The following KCNT2 variants were observed in gnomAD, a reference collection of about 807,000 sequenced individuals.
The protein encoded by KCNT2 is potassium sodium-activated channel subfamily T member 2.
KCNT2 carries 67 observed loss-of-function variants against 153.8 expected under a neutral mutation model. The observed-to-expected ratio is 0.44, with a 90% CI of 0.36 to 0.53. The LOEUF (loss-of-function observed/expected upper bound fraction) is 0.53. Ranked by LOEUF, KCNT2 falls within the 20% of genes least tolerant of loss-of-function variation. The pLI is 0.00. For missense variants in KCNT2, 975 were observed against 1,354.8 expected, an observed-to-expected ratio of 0.72 and a Z score of 4.40; for synonymous variants, 500 against 458.8, an observed-to-expected ratio of 1.09 and a Z score of -1.15.
chr1:196,416,490 C>T (rs745655554), intron 12 of KCNT2, among the ~76,000 whole-genome samples: 10 of 151,966 alleles, frequency 6.6e-5, no homozygotes, highest in African/African-American at 1.9e-4. Context: ...AAGTATTCCC[C>T]GTGGATAAGG....
At chr1:196,497,759 G>C (rs1374649469) in intron 1 of KCNT2, among the ~76,000 whole-genome samples, 1 of 151,760 alleles carries the variant, frequency 6.6e-6, no homozygotes, top group African/African-American at 2.4e-5. Context: ...GTACTGATTT[G>C]GTGAATTACT....
chr1:196,296,636 A>T (rs1189594322), intron 22 of KCNT2, among the ~76,000 whole-genome samples: 3 of 152,134 alleles, frequency 2.0e-5, no homozygotes, highest in African/African-American at 7.2e-5. Flanking sequence ...ATTCCTCTAC[A>T]GGTTATAGCA....
chr1:196,501,584 A>G (rs111891672), intron 1 of KCNT2, among the ~76,000 whole-genome samples: 8,788 of 152,140 alleles, frequency 0.058, 391 homozygotes, highest in Non-Finnish European at 0.085. Context: ...GAAATCGAAG[A>G]CTTCAAAAGG....
intron 25 of KCNT2, among the ~76,000 whole-genome samples, chr1:196,268,387 G>A (rs1657743162): frequency 6.6e-6 from 1 of 152,168 alleles, no homozygotes; most frequent in African/African-American, 2.4e-5. Flanking sequence ...ATCATTGAAA[G>A]TGACCAAGAC....
chr1:196,257,105 CTT>C (rs1272004252), intron 26 of KCNT2: 23 of 330,986 alleles, frequency 6.9e-5, no homozygotes, highest in Middle Eastern at 1.6e-3. Flanking sequence ...TGAGCAAAGT[CTT>C]TAACTTCTGA....
chr1:196,602,378 A>G (rs1289965815), intron 1 of KCNT2, among the ~76,000 whole-genome samples: 3 of 152,230 alleles, frequency 2.0e-5, no homozygotes, highest in African/African-American at 4.8e-5. Flanking sequence ...CAGATGAACC[A>G]TCAATGACAA....
chr1:196,320,499 T>G (rs931208649), intron 19 of KCNT2, among the ~76,000 whole-genome samples: 3 of 151,816 alleles, frequency 2.0e-5, no homozygotes, highest in African/African-American at 7.2e-5. Flanking sequence ...TTCACAGAGC[T>G]GATATTTAAT....
At chr1:196,491,161 G>T (rs1679829486) in intron 2 of KCNT2, among the ~76,000 whole-genome samples, 2 of 151,808 alleles carry the variant, frequency 1.3e-5, no homozygotes, top group Admixed American at 1.3e-4. Context: ...ACCTTTTTTG[G>T]CCTGGAAAGA....
chr1:196,411,496 G>A (rs1672334541), intron 12 of KCNT2, among the ~76,000 whole-genome samples: 1 of 139,618 alleles, frequency 7.2e-6, no homozygotes, highest in African/African-American at 2.6e-5. Flanking sequence ...GATGGAAATA[G>A]TGAACACAGG....
At chr1:196,249,042 A>C (rs1655702778) in intron 26 of KCNT2, among the ~76,000 whole-genome samples, 1 of 152,170 alleles carries the variant, frequency 6.6e-6, no homozygotes, top group Non-Finnish European at 1.5e-5. Context: ...AGAATGAAGG[A>C]CAAAAACCAA....
At chr1:196,442,666 G>A (rs775809983) in intron 8 of KCNT2, among the ~76,000 whole-genome samples, 5 of 151,538 alleles carry the variant, frequency 3.3e-5, no homozygotes, top group African/African-American at 4.8e-5. Flanking sequence ...GTAGAAGGGA[G>A]GTTAGCATGA....
chr1:196,307,326 A>G (rs1315828273), intron 21 of KCNT2, among the ~76,000 whole-genome samples: 1 of 151,994 alleles, frequency 6.6e-6, no homozygotes, highest in Non-Finnish European at 1.5e-5. Flanking sequence ...TTTCTCCTGA[A>G]TCTCTATACT....
At chr1:196,321,043 G>T (rs1663264938) in intron 19 of KCNT2, among the ~76,000 whole-genome samples, 1 of 149,568 alleles carries the variant, frequency 6.7e-6, no homozygotes, top group African/African-American at 2.5e-5. Flanking sequence ...AGGGATATTA[G>T]TGGATCACAG....
Position 196,342,084 on chromosome 1 carries a change from G to A in KCNT2, c.1548C>T (p.His516=). ...TCTCTGAGGCAGAAACATACTTTTT[G>A]TGTGCATGGAAAGAGGCATATGTAA... is the stretch of plus-strand genomic sequence containing the variant. ...KSFTYASFHA[H]KKFGVCLIGV... is the part of the protein sequence containing the mutation. Residue 516 remains histidine, a synonymous_variant, in exon 15 of 28, where the codon CAC becomes CAT. Transcript: ENST00000294725. 1 of 1,596,008 alleles carries A rather than the reference G, an allele frequency of 6.3e-7. No individual in the cohort carries two copies. Among genetic ancestry groups the A allele is most frequent in the Non-Finnish European group, 8.5e-7 (1 of 1,171,572 alleles).
chr1:196,521,592 T>C (rs1255555259), intron 1 of KCNT2, among the ~76,000 whole-genome samples: 3 of 152,170 alleles, frequency 2.0e-5, no homozygotes, highest in African/African-American at 7.2e-5. Context: ...ATGTGGTATA[T>C]ATACACCATG....
intron 12 of KCNT2, among the ~76,000 whole-genome samples, chr1:196,413,401 A>G (rs535922084): frequency 6.6e-6 from 1 of 151,782 alleles, no homozygotes; most frequent in East Asian, 1.9e-4. Flanking sequence ...AAATGTTTGG[A>G]TCCTTTTTTT....
chr1:196,521,622 A>G, intron 1 of KCNT2, among the ~76,000 whole-genome samples: 1 of 152,200 alleles, frequency 6.6e-6, no homozygotes, highest in East Asian at 1.9e-4. Context: ...TCAGCCATAA[A>G]AAAGAATGAG....
In KCNT2 at chr1:196,449,133, G is replaced by A. The variant is rs569594748; in HGVS notation, c.638+16160C>T. ...AGTTAAAGCATTTGGGGAATATTTG[G>A]CTTGTAGAAAAGAAGACCGAGTACT... is the stretch of plus-strand genomic sequence containing the variant. On this transcript the variant is annotated intron_variant, in intron 8 of 27. Transcript: ENST00000294725. Among the ~76,000 whole-genome samples the A allele has an allele frequency of 1.1e-4, 17 of 151,668 alleles. No individual in the cohort carries two copies. In the South Asian group the frequency reaches 3.3e-3, roughly 30 times the overall value.
chr1:196,360,992 A>G (rs1170828415), intron 14 of KCNT2, among the ~76,000 whole-genome samples: 1 of 152,056 alleles, frequency 6.6e-6, no homozygotes, highest in East Asian at 1.9e-4. Flanking sequence ...TACAGAGGAA[A>G]GAAAGGGAAT....
Sources: allele counts gnomAD v4.1 joint callset (sites outside exome capture counted in the v4.1 genomes callset), GRCh38; gene constraint gnomAD v4.1.1; transcripts MANE v1.5; gene names NCBI Gene and HGNC (gene_info 2026-07-23, HGNC 2026-07-21).